Variants in NCKAP5 observed in about 807,000 individuals in gnomAD.
NCKAP5 encodes the protein nck-associated protein 5.
NCKAP5 carries 92 observed loss-of-function variants against 167.0 expected under a neutral mutation model. That is an observed-to-expected ratio of 0.55 (90% CI 0.47 to 0.66). The LOEUF (loss-of-function observed/expected upper bound fraction) is 0.66, where lower values mean the gene tolerates loss of function less well. Among genes scored for constraint, NCKAP5 ranks in the 30% least tolerant of loss-of-function variants. The pLI, the probability that NCKAP5 is intolerant of heterozygous loss-of-function variation, is 0.00. For synonymous variants in NCKAP5, 891 were observed against 877.4 expected, an observed-to-expected ratio of 1.02 and a Z score of -0.27; for missense variants, 2,378 against 2,315.0, an observed-to-expected ratio of 1.03 and a Z score of -0.56.
At chr2:133,222,716 C>T (rs1036070238) in intron 4 of NCKAP5, among the ~76,000 whole-genome samples, 3 of 152,222 alleles carry the variant, frequency 2.0e-5, no homozygotes, top group Non-Finnish European at 4.4e-5. Flanking sequence ...CAATGCCTGC[C>T]TTCCATGGAT....
At chr2:133,048,417 G>T (rs534719429) in intron 6 of NCKAP5, among the ~76,000 whole-genome samples, 30 of 152,216 alleles carry the variant, frequency 2.0e-4, no homozygotes, top group African/African-American at 6.5e-4. Flanking sequence ...GTTCACCTTT[G>T]GTTACCTTCT....
At chr2:133,466,153 TAA>T (rs1692569172) in intron 3 of NCKAP5, among the ~76,000 whole-genome samples, 1 of 144,656 alleles carries the variant, frequency 6.9e-6, no homozygotes, top group African/African-American at 2.6e-5. Context: ...GTCTAACGTT[TAA>T]GTCTTTAATC....
At position 133,176,970 on chromosome 2, in the gene NCKAP5, G is replaced by T. The variant is rs565053152; in HGVS notation, c.207+36746C>A. Among the ~76,000 whole-genome samples, 31 of 152,072 alleles carry T rather than the reference G, an allele frequency of 2.0e-4. 1 individual carries two copies. The highest frequency in any genetic ancestry group is 1.3e-4 in the Non-Finnish European group (9 of 67,972). On this transcript the variant is annotated intron_variant, in intron 5 of 19. Coordinates refer to ENST00000409261, the MANE Select transcript of NCKAP5 (RefSeq NM_207363.3). ...ATTAATCCCTCTTTAAGCTAAAAAT[G>T]TGTTATTACATAAGCCCTCACTAAT...
In NCKAP5 at chr2:132,782,956, C is replaced by T; in HGVS notation, c.3855G>A (p.Lys1285=). ...ACCCTTCGATGGGGGGCGTAGAAGG[C>T]TTGTCTCCTGAGTGTGTACTGAAGC... ...SHSFSTHSGD[K]PSTPPIEGSG... Residue 1285 remains lysine (K), a synonymous_variant, in exon 14 of 20, where the codon AAG becomes AAA. Coordinates refer to ENST00000409261, the MANE Select transcript of NCKAP5 (RefSeq NM_207363.3). 1 of 1,613,972 alleles carries T rather than the reference C, an allele frequency of 6.2e-7. No individual in the cohort carries two copies. Among genetic ancestry groups the T allele is most frequent in the Admixed American group, 1.7e-5 (1 of 60,012 alleles).
intron 11 of NCKAP5, among the ~76,000 whole-genome samples, chr2:132,856,935 T>C (rs1689519381): frequency 6.6e-6 from 1 of 152,194 alleles, no homozygotes; most frequent in Non-Finnish European, 1.5e-5. Flanking sequence ...GTCTGTCAAA[T>C]ACCTGCTACA....
At chr2:133,084,672 C>T (rs1226322531) in intron 6 of NCKAP5, among the ~76,000 whole-genome samples, 1 of 152,152 alleles carries the variant, frequency 6.6e-6, no homozygotes, top group Admixed American at 6.6e-5. Context: ...CTCTGCCTTT[C>T]AACTGAAATA....
chr2:133,580,966 C>T, the NCKAP5 span, among the ~76,000 whole-genome samples: 1 of 152,078 alleles, frequency 6.6e-6, no homozygotes, highest in Non-Finnish European at 1.5e-5. Context: ...CTTGTTTCTT[C>T]CCTTTTCTTC....
chr2:132,933,262 A>T (rs1407189646), intron 8 of NCKAP5, among the ~76,000 whole-genome samples: 1 of 152,060 alleles, frequency 6.6e-6, no homozygotes. Flanking sequence ...ATTTTGCCAC[A>T]CTTCAGTTAT....
chr2:133,017,722 C>A (rs2149381603), intron 6 of NCKAP5, among the ~76,000 whole-genome samples: 1 of 148,072 alleles, frequency 6.8e-6, no homozygotes, highest in Non-Finnish European at 1.5e-5. Flanking sequence ...GCAAGTTCTT[C>A]CCCGCCCCCC....
chr2:132,911,425 C>T (rs1055993847), intron 8 of NCKAP5, among the ~76,000 whole-genome samples: 10 of 152,224 alleles, frequency 6.6e-5, no homozygotes, highest in African/African-American at 2.4e-4. Context: ...AATTTTAGTT[C>T]ATCATTGACT....
chr2:132,794,632 TCTC>T (rs1398585224), intron 12 of NCKAP5, among the ~76,000 whole-genome samples: 2 of 128,350 alleles, frequency 1.6e-5, no homozygotes, highest in Non-Finnish European at 3.3e-5. Context: ...TGAGACTTCA[TCTC>T]AACAACAACA....
At chr2:133,552,402 A>G (rs1446661305) in intron 2 of NCKAP5, among the ~76,000 whole-genome samples, 1 of 139,238 alleles carries the variant, frequency 7.2e-6, no homozygotes, top group Non-Finnish European at 1.5e-5. Context: ...ACACCATGGA[A>G]TACTATGCAG....
At chr2:132,847,138 A>T (rs773916439) in intron 11 of NCKAP5, among the ~76,000 whole-genome samples, 1 of 152,218 alleles carries the variant, frequency 6.6e-6, no homozygotes, top group African/African-American at 2.4e-5. Flanking sequence ...TTATCAAAAT[A>T]CTTCAGACTA....
At chr2:133,518,617 G>C (rs190377741) in intron 2 of NCKAP5, among the ~76,000 whole-genome samples, 149 of 152,166 alleles carry the variant, frequency 9.8e-4, no homozygotes, top group Admixed American at 4.1e-3. Context: ...GCCTCCCAAA[G>C]TACTGGGATT....
chr2:133,025,016 T>C (rs1326140861), intron 6 of NCKAP5, among the ~76,000 whole-genome samples: 8 of 152,240 alleles, frequency 5.3e-5, no homozygotes, highest in African/African-American at 1.7e-4. Context: ...TTTTTGACTA[T>C]GCTTTTAGGT....
At chr2:132,945,424 A>G (rs1011960211) in intron 8 of NCKAP5, among the ~76,000 whole-genome samples, 1 of 152,120 alleles carries the variant, frequency 6.6e-6, no homozygotes, top group Non-Finnish European at 1.5e-5. Context: ...AGTTAGCTGA[A>G]AGGAGGATCT....
chr2:132,927,477 T>C (rs1478780664), intron 8 of NCKAP5, among the ~76,000 whole-genome samples: 2 of 152,158 alleles, frequency 1.3e-5, no homozygotes, highest in African/African-American at 4.8e-5. Flanking sequence ...TTAACAATAT[T>C]AAGTCTTCTG....
At chr2:132,952,807 C>A (rs2076228724) in intron 8 of NCKAP5, among the ~76,000 whole-genome samples, 1 of 152,192 alleles carries the variant, frequency 6.6e-6, no homozygotes, top group East Asian at 1.9e-4. Flanking sequence ...TCTGAAGTCA[C>A]TGGGGGCATT....
At chr2:133,160,533 T>G (rs1215037828) in intron 5 of NCKAP5, among the ~76,000 whole-genome samples, 4 of 150,954 alleles carry the variant, frequency 2.6e-5, no homozygotes, top group Non-Finnish European at 4.4e-5. Flanking sequence ...AACTCCCAGG[T>G]CATATTCTGA....
Sources: allele counts gnomAD v4.1 joint callset (sites outside exome capture counted in the v4.1 genomes callset), GRCh38; gene constraint gnomAD v4.1.1; transcripts MANE v1.5; gene names NCBI Gene and HGNC (gene_info 2026-07-23, HGNC 2026-07-21).